TCF7L1: variants seen among roughly 807,000 people sequenced by gnomAD.
TCF7L1 encodes the protein transcription factor 7-like 1.
Under a neutral mutation model 63.7 loss-of-function variants are expected in TCF7L1, and 18 were observed. The ratio of observed to expected loss-of-function variants is 0.28; its 90% CI spans 0.20 to 0.42. The LOEUF (loss-of-function observed/expected upper bound fraction) is 0.42, where lower values mean the gene tolerates loss of function less well. TCF7L1 is among the 10% of genes least tolerant of loss of function. TCF7L1 has a pLI of 1.00. For synonymous variants in TCF7L1, 355 were observed against 340.9 expected (o/e 1.04, Z -0.46); for missense variants, 654 against 779.3 (o/e 0.84, Z 1.91).
At chr2:85,210,092 G>A (rs980613766) in intron 3 of TCF7L1, among the ~76,000 whole-genome samples, 1 of 152,192 alleles carries the variant, frequency 6.6e-6, no homozygotes, top group African/African-American at 2.4e-5. Flanking sequence ...TCACAGGTCA[G>A]TGTTGATTCA....
intron 3 of TCF7L1, among the ~76,000 whole-genome samples, chr2:85,270,737 T>C (rs554732349): frequency 6.6e-6 from 1 of 152,314 alleles, no homozygotes; most frequent in East Asian, 1.9e-4. Context: ...TCACCCAGGC[T>C]GGAGTGCAGT....
intron 3 of TCF7L1, among the ~76,000 whole-genome samples, chr2:85,251,920 A>G (rs188530558): frequency 3.0e-4 from 46 of 152,202 alleles, no homozygotes; most frequent in Non-Finnish European, 5.9e-4. Flanking sequence ...CAAACGATAC[A>G]AAAAATTAGC....
intron 4 of TCF7L1, among the ~76,000 whole-genome samples, chr2:85,291,387 C>CAAAACACT (rs954005389): frequency 6.6e-6 from 1 of 152,192 alleles, no homozygotes; most frequent in Non-Finnish European, 1.5e-5. Flanking sequence ...CTACCTTTCA[C>CAAAACACT]AAAACACTAC....
At chr2:85,279,066 GT>G (rs111841409) in intron 3 of TCF7L1, among the ~76,000 whole-genome samples, 5,062 of 152,336 alleles carry the variant, frequency 0.033, 280 homozygotes, top group African/African-American at 0.12. Flanking sequence ...CGACACACTG[GT>G]CAGGAGCTGG....
rs1198756928 is a variant in TCF7L1 at position 85,133,960 on chromosome 2, G to A, written c.249+27G>A. The A allele has an allele frequency of 3.2e-6, 5 of 1,576,694 alleles. No homozygotes were observed. Among genetic ancestry groups the A allele is most frequent in the East Asian group, 2.3e-5 (1 of 42,950 alleles). ...TAAGGAAGCACCGCGGCCACCCCCG[G>A]GGGATCCCGGCCCTGCGTCCGCTCA... On this transcript the variant is annotated intron_variant, in intron 1 of 11. Transcript: ENST00000282111. This position sits in a 1 kb window ranked among gnomAD's most constrained non-coding sequence, Gnocchi z 4.4.
chr2:85,134,449 C>T lies in TCF7L1; in HGVS notation c.440C>T (p.Thr147Ile). 1.9e-6 allele frequency: 3 copies of T among 1,552,028 alleles called. No individual in the cohort carries two copies. The highest frequency in any genetic ancestry group is 2.6e-6 in the Non-Finnish European group (3 of 1,147,690). ...CCCCTGTCTCCCGGAGGAGCGCGCA[C>T]CGTGAGTGCCCGTCGGGCGCGCCGG... The part of the protein sequence containing the change: ...NGPLSPGGAR[T>I]YLQMKWPLLD... Residue 147 changes from threonine (T) to isoleucine (I), a missense_variant and splice_region_variant, in exon 3 of 12, where the codon ACC becomes ATC. Thr to Ile is a moderately conservative substitution (Grantham distance 89, BLOSUM62 -1). Coordinates refer to ENST00000282111, the MANE Select transcript of TCF7L1 (RefSeq NM_031283.3). This position sits in a 1 kb window ranked among gnomAD's most constrained non-coding sequence, Gnocchi z 5.0.
At chr2:85,215,287 G>A (rs1236262633) in intron 3 of TCF7L1, among the ~76,000 whole-genome samples, 3 of 152,228 alleles carry the variant, frequency 2.0e-5, no homozygotes, top group South Asian at 2.1e-4. Context: ...GTCCGTAGCA[G>A]GTGATCAATA....
At position 85,234,409 on chromosome 2, in the gene TCF7L1, C is replaced by A. The variant is rs575008175; in HGVS notation, c.442-49086C>A. 7.9e-5 allele frequency among the ~76,000 whole-genome samples: 12 copies of A among 152,220 alleles called. No homozygotes were observed. In the Middle Eastern group the frequency reaches 0.01, roughly 129 times the overall value. On this transcript the variant is annotated intron_variant, in intron 3 of 11. Transcript: ENST00000282111. ...TCGGCCTCCCAAAGTGCTGGGATTA[C>A]ATGTGTGAGGCACCACACCTGGCCA...
intron 3 of TCF7L1, among the ~76,000 whole-genome samples, chr2:85,214,339 C>T (rs1379218932): frequency 6.6e-6 from 1 of 152,188 alleles, no homozygotes; most frequent in Admixed American, 6.5e-5. Flanking sequence ...TCTTAGTCAC[C>T]AGGAGCAGGG....
At chr2:85,166,491 G>T (rs538669463) in intron 3 of TCF7L1, among the ~76,000 whole-genome samples, 1 of 152,220 alleles carries the variant, frequency 6.6e-6, no homozygotes, top group African/African-American at 2.4e-5. Flanking sequence ...GAGATGCCCT[G>T]ACTAGACCTG....
chr2:85,150,699 A>G (rs1677990154), intron 3 of TCF7L1, among the ~76,000 whole-genome samples: 1 of 151,592 alleles, frequency 6.6e-6, no homozygotes, highest in Non-Finnish European at 1.5e-5. Context: ...TATTTTTCCC[A>G]TTATAGGTGA....
chr2:85,186,818 T>C lies in TCF7L1; in HGVS notation c.441+52368T>C, dbSNP rs192219171. ...TACTAGGTAGGTAATAAAGACATTTTTCATACTTTTATCCTGTTTGGAATA... is the reference window on the plus strand; with the variant it reads ...TACTAGGTAGGTAATAAAGACATTTCTCATACTTTTATCCTGTTTGGAATA... On this transcript the variant is annotated intron_variant, in intron 3 of 11. Transcript: ENST00000282111. 12 of 152,368 alleles carry C rather than the reference T, an allele frequency of 7.9e-5. No individual in the cohort carries two copies. The East Asian group carries it at 2.3e-3, about 29-fold the overall frequency. 9.4% of individuals were successfully genotyped at this position (152,368 alleles called of 1,614,324 possible).
intron 4 of TCF7L1, among the ~76,000 whole-genome samples, chr2:85,301,507 T>G (rs1381018144): frequency 6.6e-6 from 1 of 152,260 alleles, no homozygotes; most frequent in Non-Finnish European, 1.5e-5. Context: ...TGTTTACCAA[T>G]TGTAGAACGC....
rs572744804 is a variant in TCF7L1 at position 85,134,664 on chromosome 2, C to A, written c.441+214C>A. On this transcript the variant is annotated intron_variant, in intron 3 of 11. Coordinates refer to ENST00000282111, the MANE Select transcript of TCF7L1 (RefSeq NM_031283.3). This position sits in a 1 kb window ranked among gnomAD's most constrained non-coding sequence, Gnocchi z 5.0. Reference sequence around the variant, plus strand: ...AGTTACTTTAACTTTTCCCCTCTTGCGGGTTGAGGTTTTGGAGTCCACCTC... The same window carrying A: ...AGTTACTTTAACTTTTCCCCTCTTGAGGGTTGAGGTTTTGGAGTCCACCTC... Among the ~76,000 whole-genome samples, 3 of 152,230 alleles carry A rather than the reference C, an allele frequency of 2.0e-5. No individual in the cohort carries two copies. The highest frequency in any genetic ancestry group is 3.9e-4 in the East Asian group (2 of 5,194).
At chr2:85,139,287 G>A (rs879306547) in intron 3 of TCF7L1, among the ~76,000 whole-genome samples, 2 of 152,164 alleles carry the variant, frequency 1.3e-5, no homozygotes, top group African/African-American at 2.4e-5. Flanking sequence ...GATTACAGGC[G>A]TGAGCCACTG....
At chr2:85,265,437 C>T (rs576235830) in intron 3 of TCF7L1, among the ~76,000 whole-genome samples, 2 of 152,336 alleles carry the variant, frequency 1.3e-5, no homozygotes, top group Admixed American at 1.3e-4. Context: ...TGGGTTGTCT[C>T]CTCTGGTTGA....
intron 3 of TCF7L1, among the ~76,000 whole-genome samples, chr2:85,157,176 G>T (rs1574082713): frequency 6.6e-6 from 1 of 152,338 alleles, no homozygotes; most frequent in Middle Eastern, 3.4e-3. Flanking sequence ...AGGAAACTGA[G>T]GCTCAGAGAG....
chr2:85,286,191 CAA>C (rs1221041124), intron 4 of TCF7L1, among the ~76,000 whole-genome samples: 11 of 56,394 alleles, frequency 2.0e-4, no homozygotes, highest in African/African-American at 2.4e-4. Flanking sequence ...AACTCCATCT[CAA>C]AAAAAAAAAA....
At chr2:85,236,740 G>C (rs748798740) in intron 3 of TCF7L1, among the ~76,000 whole-genome samples, 16 of 152,140 alleles carry the variant, frequency 1.1e-4, no homozygotes, top group Admixed American at 2.0e-4. Context: ...CTGAGCTCCT[G>C]GGAGAAAGTC....
Sources: gnomAD v4.1 joint callset for allele counts (sites outside exome capture counted in the v4.1 genomes callset) on GRCh38, gnomAD v4.1.1 for gene constraint, Gnocchi (gnomAD v3.1) non-coding constraint, MANE v1.5 for transcripts, NCBI Gene and HGNC (gene_info 2026-07-23, HGNC 2026-07-21) for gene names.